Variants in HMGN4 observed in about 807,000 individuals in gnomAD.
The protein encoded by HMGN4 is high mobility group nucleosomal binding domain 4.
For missense variants in HMGN4, 69 were observed against 104.9 expected (o/e 0.66, Z 1.49); for synonymous variants, 39 against 39.1 (o/e 1.00, Z 0.01).
rs147519555 is a variant in HMGN4 at position 26,545,055 on chromosome 6, C to G, written c.-80-72C>G. ...ATACACGAATTATTAACAATATAGT[C>G]AATTTGATTTTTAACGTTTACATTC... On this transcript the variant is annotated intron_variant, in intron 1 of 1. Coordinates refer to ENST00000377575, the MANE Select transcript of HMGN4 (RefSeq NM_006353.3). 65 of 548,834 alleles carry G rather than the reference C, an allele frequency of 1.2e-4. 1 individual carries two copies. The highest frequency in any genetic ancestry group is 1.1e-3 in the African/African-American group (57 of 51,872). 34.0% of individuals were successfully genotyped at this position (548,834 alleles called of 1,614,324 possible).
At chr6:26,539,515 C>T (rs929136341) in intron 1 of HMGN4, among the ~76,000 whole-genome samples, 15 of 151,922 alleles carry the variant, frequency 9.9e-5, no homozygotes, top group African/African-American at 3.6e-4. Flanking sequence ...AAGTGATCCG[C>T]CCGCCTCGGC....
chr6:26,543,418 T>TA (rs1192729217), intron 1 of HMGN4, among the ~76,000 whole-genome samples: 7 of 129,000 alleles, frequency 5.4e-5, no homozygotes, highest in Middle Eastern at 3.7e-3. Flanking sequence ...GTGGCACCAT[T>TA]ACCTTTTTTT....
In HMGN4 at chr6:26,545,261, G is replaced by C; in HGVS notation, c.55G>C (p.Asp19His). The change falls in exon 2 of 2, where the codon GAT becomes CAT. Residue 19 changes from aspartate (D) to histidine (H), a missense_variant. By Grantham distance (81) the Asp-to-His change is moderately conservative. Coordinates refer to ENST00000377575, the MANE Select transcript of HMGN4 (RefSeq NM_006353.3). ...TAAAGGTGATAAAGCAAAGGTGAAGGATGAGCCACAGAGGAGATCAGCTCG... is the reference window on the plus strand; with the variant it reads ...TAAAGGTGATAAAGCAAAGGTGAAGCATGAGCCACAGAGGAGATCAGCTCG... ...DAKGDKAKVKDEPQRRSARLS... is the reference protein window; with the variant it reads ...DAKGDKAKVKHEPQRRSARLS... 1 of 1,614,046 alleles carries C rather than the reference G, an allele frequency of 6.2e-7. No homozygotes were observed. The highest frequency in any genetic ancestry group is 8.5e-7 in the Non-Finnish European group (1 of 1,179,984).
Position 26,546,202 on chromosome 6 carries a change from G to A in HMGN4, c.*723G>A, listed in dbSNP as rs1384808075. ...GATTGTTGCCTATTTCCTGCTGAAA[G>A]TAAATGTTTTTAAAAAGTATCATAT... On this transcript the variant is annotated 3_prime_UTR_variant, in exon 2 of 2. Transcript: ENST00000377575. The A allele has an allele frequency of 2.4e-5, 4 of 167,068 alleles. No individual in the cohort carries two copies. Among genetic ancestry groups the A allele is most frequent in the Admixed American group, 2.0e-4 (3 of 15,278 alleles). The allele number at this position is 167,068 out of a possible 1,614,324, so 10.3% of individuals were successfully genotyped here.
chr6:26,544,041 C>T (rs1429518082), intron 1 of HMGN4, among the ~76,000 whole-genome samples: 1 of 152,046 alleles, frequency 6.6e-6, no homozygotes, highest in Non-Finnish European at 1.5e-5. Context: ...CTCTGGGCTA[C>T]CCACATTTTT....
intron 1 of HMGN4, among the ~76,000 whole-genome samples, chr6:26,543,576 C>G (rs573940145): frequency 6.9e-6 from 1 of 145,796 alleles, no homozygotes; most frequent in African/African-American, 2.5e-5. Context: ...GCCTGGCCAA[C>G]ACGGTGAAAC....
In HMGN4 at chr6:26,545,397, A is replaced by C. The variant is rs147106046; in HGVS notation, c.191A>C (p.Lys64Thr). The C allele has an allele frequency of 6.3e-5, 102 of 1,613,950 alleles. No individual in the cohort carries two copies. The African/African-American group carries it at 1.1e-3, about 17-fold the overall frequency. Reference protein sequence around the residue: ...KGRKGKADAGKDGNNPAKNRD... With the variant: ...KGRKGKADAGTDGNNPAKNRD... ...AGAAAGGGGAAAGCAGATGCTGGAA[A>C]GGATGGGAACAACCCTGCAAAAAAC... Residue 64 changes from lysine (K) to threonine (T), a missense_variant, in exon 2 of 2, where the codon AAG becomes ACG. Coordinates refer to ENST00000377575, the MANE Select transcript of HMGN4 (RefSeq NM_006353.3).
rs114272864 is a variant in HMGN4 at position 26,542,492 on chromosome 6, A to G, written c.-80-2635A>G. On this transcript the variant is annotated intron_variant, in intron 1 of 1. Coordinates refer to ENST00000377575, the MANE Select transcript of HMGN4 (RefSeq NM_006353.3). This position sits in a 1 kb window ranked among gnomAD's most constrained non-coding sequence, Gnocchi z 4.6. ...ATATGCCATTACAGTAGCATACAAA[A>G]GAGTTTCATTTACCTAAAAATCTCT... 9.6e-3 allele frequency among the ~76,000 whole-genome samples: 1,463 copies of G among 152,398 alleles called. 21 individuals carry two copies. Among genetic ancestry groups the G allele is most frequent in the Non-Finnish European group, 0.015 (1,049 of 68,044 alleles).
chr6:26,539,641 AAAAAAAAAAAAAG>A (rs1764263756), intron 1 of HMGN4, among the ~76,000 whole-genome samples: 3 of 128,484 alleles, frequency 2.3e-5, no homozygotes, highest in East Asian at 6.0e-4. Flanking sequence ...AATTAAAAAA[AAAAAAAAAAAAAG>A]AAAAGAAAAG....
rs1463123765 is a variant in HMGN4 at position 26,545,923 on chromosome 6, G to A, written c.*444G>A. On this transcript the variant is annotated 3_prime_UTR_variant, in exon 2 of 2. Coordinates refer to ENST00000377575, the MANE Select transcript of HMGN4 (RefSeq NM_006353.3). ...AGCTGTGTTAGGTAACAAAACTCAG[G>A]CTTTCTGTTGATGACATCGAGATGG... 6.0e-6 allele frequency: 1 copy of A among 167,130 alleles called. No individual in the cohort carries two copies. The highest frequency in any genetic ancestry group is 1.9e-4 in the East Asian group (1 of 5,198). The allele number at this position is 167,130 out of a possible 1,614,324, so 10.4% of individuals were successfully genotyped here. A position where few individuals can be genotyped will look rare whatever the true frequency, so the allele number is the denominator to read the frequency against.
Position 26,544,478 on chromosome 6 carries a change from T to C in HMGN4, c.-80-649T>C, listed in dbSNP as rs186753353. Among the ~76,000 whole-genome samples the C allele has an allele frequency of 2.1e-3, 320 of 152,342 alleles. 3 individuals carry two copies. The highest frequency in any genetic ancestry group is 7.4e-3 in the African/African-American group (309 of 41,574). Reference sequence around the variant, plus strand: ...ACCAAAATATATGCATCCCTTCTACTATTGAAGGACATTTGGGTGATTTAC... The same window carrying C: ...ACCAAAATATATGCATCCCTTCTACCATTGAAGGACATTTGGGTGATTTAC... On this transcript the variant is annotated intron_variant, in intron 1 of 1. Transcript: ENST00000377575.
chr6:26,541,042 A>G, intron 1 of HMGN4, among the ~76,000 whole-genome samples: 1 of 152,132 alleles, frequency 6.6e-6, no homozygotes, highest in East Asian at 1.9e-4. Context: ...ATGTTTCCCT[A>G]GTCATTACAT....
In HMGN4 at chr6:26,545,811, C is replaced by T. The variant is rs999207227; in HGVS notation, c.*332C>T. On this transcript the variant is annotated 3_prime_UTR_variant, in exon 2 of 2. Transcript: ENST00000377575. The stretch of plus-strand genomic sequence containing the variant: ...CTTACAGTGTGGGGAACCAAAACTT[C>T]GTGTCTCCCCTTTCCCCGATGCCAT... 1 of 178,078 alleles carries T rather than the reference C, an allele frequency of 5.6e-6. No homozygotes were observed. The highest frequency in any genetic ancestry group is 1.3e-5 in the Non-Finnish European group (1 of 75,580). The allele number at this position is 178,078 out of a possible 1,614,324, so 11.0% of individuals were successfully genotyped here. A position where few individuals can be genotyped will look rare whatever the true frequency, so the allele number is the denominator to read the frequency against.
chr6:26,546,087 T>C lies in HMGN4; in HGVS notation c.*608T>C, dbSNP rs1056893393. On this transcript the variant is annotated 3_prime_UTR_variant, in exon 2 of 2. Transcript: ENST00000377575. ...GTGAAGTGTCCACCCTCTCTGAAAATCTTTCTTGTTCAAAACAGCAACGAC... is the reference window on the plus strand; with the variant it reads ...GTGAAGTGTCCACCCTCTCTGAAAACCTTTCTTGTTCAAAACAGCAACGAC... The C allele has an allele frequency of 6.0e-6, 1 of 167,078 alleles. No individual in the cohort carries two copies. Among genetic ancestry groups the C allele is most frequent in the Non-Finnish European group, 1.5e-5 (1 of 68,122 alleles). The allele number at this position is 167,078 out of a possible 1,614,324, so 10.3% of individuals were successfully genotyped here. A position where few individuals can be genotyped will look rare whatever the true frequency, so the allele number is the denominator to read the frequency against.
At chr6:26,538,975 AT>A (rs1764253500) in intron 1 of HMGN4, among the ~76,000 whole-genome samples, 1 of 152,156 alleles carries the variant, frequency 6.6e-6, no homozygotes, top group African/African-American at 2.4e-5. Context: ...ACCTTTTGCT[AT>A]TCCATCACAA....
At position 26,542,875 on chromosome 6, in the gene HMGN4, A is replaced by T. The variant is rs1434134842; in HGVS notation, c.-80-2252A>T. On this transcript the variant is annotated intron_variant, in intron 1 of 1. Transcript: ENST00000377575. The surrounding 1 kb of genome is among the most constrained non-coding windows in gnomAD (Gnocchi z 4.6). ...CCCTACTTCGGATGGACTTCAATGG[A>T]TCTAACTCGAAGAAGACTGAACCCA... is the stretch of plus-strand genomic sequence containing the variant. 1.3e-5 allele frequency among the ~76,000 whole-genome samples: 2 copies of T among 152,150 alleles called. No homozygotes were observed. Among genetic ancestry groups the T allele is most frequent in the African/African-American group, 4.8e-5 (2 of 41,416 alleles).
At chr6:26,539,634 T>TAAAAAAAAAA (rs61003052) in intron 1 of HMGN4, among the ~76,000 whole-genome samples, 2 of 125,172 alleles carry the variant, frequency 1.6e-5, no homozygotes, top group Non-Finnish European at 3.3e-5. Context: ...TCCGCAAAAT[T>TAAAAAAAAAA]AAAAAAAAAA....
chr6:26,543,421 C>CTTTTTTTTTTT lies in HMGN4; in HGVS notation c.-80-1698_-80-1688dup, dbSNP rs70977285. Among the ~76,000 whole-genome samples the CTTTTTTTTTTT allele has an allele frequency of 9.4e-3, 754 of 80,108 alleles. 152 individuals are homozygous for CTTTTTTTTTTT. The highest frequency in any genetic ancestry group is 0.026 in the African/African-American group (468 of 17,676). The allele number at this position is 80,108 out of a possible 152,430, so 52.6% of individuals were successfully genotyped here. Reference sequence around the variant, plus strand: ...CTGTATGTCTCAGTGGCACCATTACCTTTTTTTTTTTTTTTTTTGAAGCAG... The same window carrying CTTTTTTTTTTT: ...CTGTATGTCTCAGTGGCACCATTACCTTTTTTTTTTTTTTTTTTTTTTTTTTTTTGAAGCAG... On this transcript the variant is annotated intron_variant, in intron 1 of 1. Coordinates refer to ENST00000377575, the MANE Select transcript of HMGN4 (RefSeq NM_006353.3).
In HMGN4 at chr6:26,545,664, A is replaced by G; in HGVS notation, c.*185A>G. 2.6e-6 allele frequency: 1 copy of G among 385,382 alleles called. No homozygotes were observed. The highest frequency in any genetic ancestry group is 4.7e-6 in the Non-Finnish European group (1 of 212,066). 23.9% of individuals were successfully genotyped at this position (385,382 alleles called of 1,614,324 possible). ...ACCACTAATAGGGTGTATCTCAGAA[A>G]CTGAATTGAAATAAGGGAAAATAGG... On this transcript the variant is annotated 3_prime_UTR_variant, in exon 2 of 2. Coordinates refer to ENST00000377575, the MANE Select transcript of HMGN4 (RefSeq NM_006353.3).
Sources: allele counts gnomAD v4.1 joint callset (sites outside exome capture counted in the v4.1 genomes callset), GRCh38; gene constraint gnomAD v4.1.1; non-coding constraint Gnocchi (gnomAD v3.1); transcripts MANE v1.5; gene names NCBI Gene and HGNC (gene_info 2026-07-23, HGNC 2026-07-21).